Variants in ZNF704 observed in about 807,000 individuals in gnomAD.
ZNF704 encodes glucocorticoid induced gene 1.
In ZNF704, 10 loss-of-function variants were observed where a neutral mutation model predicts 44.7. The ratio of observed to expected loss-of-function variants is 0.22; its 90% CI spans 0.14 to 0.38. The LOEUF (loss-of-function observed/expected upper bound fraction) is 0.38, where lower values mean the gene tolerates loss of function less well. Among genes scored for constraint, ZNF704 ranks in the 10% least tolerant of loss-of-function variants. The pLI, the probability that ZNF704 is intolerant of heterozygous loss-of-function variation, is 1.00. For missense variants in ZNF704, 390 were observed against 545.5 expected, an observed-to-expected ratio of 0.71 and a Z score of 2.84; for synonymous variants, 211 against 207.6, an observed-to-expected ratio of 1.02 and a Z score of -0.14.
chr8:80,816,150 C>A (rs1350391579), intron 2 of ZNF704, among the ~76,000 whole-genome samples: 3 of 152,204 alleles, frequency 2.0e-5, no homozygotes, highest in Non-Finnish European at 4.4e-5. Context: ...ACCATAATTT[C>A]TTTCCTGTAC....
chr8:80,662,789 A>G (rs1446266423), intron 6 of ZNF704, among the ~76,000 whole-genome samples: 1 of 152,230 alleles, frequency 6.6e-6, no homozygotes, highest in Non-Finnish European at 1.5e-5. Flanking sequence ...ATTTAAACAA[A>G]AAACAAAACA....
chr8:80,691,067 T>C (rs1204780231), intron 3 of ZNF704, among the ~76,000 whole-genome samples: 2 of 152,210 alleles, frequency 1.3e-5, no homozygotes, highest in African/African-American at 4.8e-5. Flanking sequence ...CATGATGTTG[T>C]TGGGCAATAC....
At position 80,638,024 on chromosome 8, in the gene ZNF704, G is replaced by C. The variant is rs1299699088; in HGVS notation, c.*3342C>G. ...TACTTAGGGATGGTGACCACCAGCTGATCAGCACCAAGAAGATGAGCAAGA... is the reference window on the plus strand; with the variant it reads ...TACTTAGGGATGGTGACCACCAGCTCATCAGCACCAAGAAGATGAGCAAGA... On this transcript the variant is annotated 3_prime_UTR_variant, in exon 9 of 9. Transcript: ENST00000327835. 6.6e-6 allele frequency: 1 copy of C among 152,256 alleles called. No homozygotes were observed. Among genetic ancestry groups the C allele is most frequent in the Non-Finnish European group, 1.5e-5 (1 of 68,096 alleles). 9.4% of individuals were successfully genotyped at this position (152,256 alleles called of 1,614,324 possible).
rs984903822 is a variant in ZNF704, at chr8:80,711,273, A to C, written c.222-18166T>G. On this transcript the variant is annotated intron_variant, in intron 2 of 8. Transcript: ENST00000327835. ...GAAAATGGACACTGACAACAGTCCC[A>C]GTGGCAGTGATGATTCTGACAGTAG... Among the ~76,000 whole-genome samples the C allele has an allele frequency of 2.0e-5, 3 of 152,330 alleles. No individual in the cohort carries two copies. The East Asian group carries it at 5.8e-4, about 29-fold the overall frequency.
chr8:80,669,824 GC>G (rs528717240), intron 5 of ZNF704, among the ~76,000 whole-genome samples: 135 of 152,260 alleles, frequency 8.9e-4, no homozygotes, highest in African/African-American at 3.1e-3. Context: ...GAATACCACT[GC>G]CCCCCTGGGG....
intron 1 of ZNF704, among the ~76,000 whole-genome samples, chr8:80,854,798 T>C (rs908656329): frequency 6.6e-6 from 1 of 152,220 alleles, no homozygotes; most frequent in African/African-American, 2.4e-5. Context: ...CATTCTGTAC[T>C]TTCACTACCC....
intron 5 of ZNF704, among the ~76,000 whole-genome samples, chr8:80,667,899 T>C (rs563101709): frequency 1.3e-5 from 2 of 152,296 alleles, no homozygotes; most frequent in East Asian, 3.9e-4. Flanking sequence ...GATTTTGTGA[T>C]GATTAAGCTA....
intron 2 of ZNF704, among the ~76,000 whole-genome samples, chr8:80,797,091 A>G (rs1204335628): frequency 6.6e-6 from 1 of 152,178 alleles, no homozygotes; most frequent in Admixed American, 6.5e-5. Flanking sequence ...TAAACATTAA[A>G]TCATAAAGCT....
At chr8:80,712,063 G>A (rs953117379) in intron 2 of ZNF704, among the ~76,000 whole-genome samples, 5 of 152,226 alleles carry the variant, frequency 3.3e-5, no homozygotes, top group Non-Finnish European at 7.3e-5. Context: ...ATGCAACAAT[G>A]TTCGGAGGTG....
intron 1 of ZNF704, among the ~76,000 whole-genome samples, chr8:80,841,162 T>C (rs1344230303): frequency 1.3e-5 from 2 of 152,246 alleles, no homozygotes; most frequent in Non-Finnish European, 2.9e-5. Context: ...CCTTTGCCAC[T>C]GTGTTTGCCA....
intron 2 of ZNF704, among the ~76,000 whole-genome samples, chr8:80,804,528 C>A (rs1443760595): frequency 6.6e-6 from 1 of 152,080 alleles, no homozygotes; most frequent in African/African-American, 2.4e-5. Flanking sequence ...TTTGCAGGGA[C>A]ATGGATGGAG....
At chr8:80,859,224 T>C (rs1291047953) in intron 1 of ZNF704, among the ~76,000 whole-genome samples, 1 of 152,220 alleles carries the variant, frequency 6.6e-6, no homozygotes, top group Admixed American at 6.5e-5. Context: ...ATCATAGGTT[T>C]TAGGTTCTAA....
intron 2 of ZNF704, among the ~76,000 whole-genome samples, chr8:80,729,378 T>C (rs1445523345): frequency 6.6e-6 from 1 of 152,028 alleles, no homozygotes; most frequent in Non-Finnish European, 1.5e-5. Flanking sequence ...ATAAATGGGG[T>C]GATAATGTAC....
At chr8:80,676,051 A>G (rs942208009) in intron 4 of ZNF704, among the ~76,000 whole-genome samples, 1 of 152,206 alleles carries the variant, frequency 6.6e-6, no homozygotes, top group Non-Finnish European at 1.5e-5. Context: ...TGTCTTAGGA[A>G]GGAAGATGTG....
rs2131586809 is a variant in ZNF704, at chr8:80,640,506, A to C, written c.*860T>G. ...AGTTGCCATTTGTGTCACATCCCTG[A>C]AAGAAGCATCGAGGCTTACCCAGAT... is the stretch of plus-strand genomic sequence containing the variant. On this transcript the variant is annotated 3_prime_UTR_variant, in exon 9 of 9. Transcript: ENST00000327835. 6.6e-6 allele frequency: 1 copy of C among 152,448 alleles called. No individual in the cohort carries two copies. The allele number at this position is 152,448 out of a possible 1,614,324, so 9.4% of individuals were successfully genotyped here.
intron 2 of ZNF704, among the ~76,000 whole-genome samples, chr8:80,726,314 C>T (rs74358925): frequency 0.056 from 8,453 of 151,790 alleles, 408 homozygotes; most frequent in East Asian, 0.21. Context: ...CAAGAATTTA[C>T]GACATATTTA....
intron 3 of ZNF704, among the ~76,000 whole-genome samples, chr8:80,689,150 C>T (rs1326374418): frequency 6.6e-6 from 1 of 151,784 alleles, no homozygotes; most frequent in South Asian, 2.1e-4. Flanking sequence ...AAAAACATCC[C>T]CAAATGCCTC....
At position 80,848,764 on chromosome 8, in the gene ZNF704, C is replaced by A. The variant is rs542784834; in HGVS notation, c.-22+25807G>T. 9.8e-4 allele frequency among the ~76,000 whole-genome samples: 149 copies of A among 151,328 alleles called. 1 individual carries two copies. The highest frequency in any genetic ancestry group is 4.6e-3 in the South Asian group (22 of 4,786). On this transcript the variant is annotated intron_variant, in intron 1 of 8. Coordinates refer to ENST00000327835, the MANE Select transcript of ZNF704 (RefSeq NM_001033723.3). The stretch of plus-strand genomic sequence containing the variant: ...CTCCAGCCTGGGTGATGGAGTGAGA[C>A]CCTGTCTCAAAAAAAAAGTTTTAAA...
intron 2 of ZNF704, among the ~76,000 whole-genome samples, chr8:80,754,794 G>A (rs76744443): frequency 1.5e-3 from 227 of 152,286 alleles, no homozygotes; most frequent in Admixed American, 3.1e-3. Flanking sequence ...TCTAACGCTG[G>A]TGCTCAGTTC....
Sources: allele counts gnomAD v4.1 joint callset (sites outside exome capture counted in the v4.1 genomes callset), GRCh38; gene constraint gnomAD v4.1.1; transcripts MANE v1.5; gene names NCBI Gene and HGNC (gene_info 2026-07-23, HGNC 2026-07-21).